The following VAV3 variants were observed in gnomAD, a reference collection of about 807,000 sequenced individuals.
VAV3 encodes guanine nucleotide exchange factor VAV3.
In VAV3, 94 loss-of-function variants were observed where a neutral mutation model predicts 131.2. The ratio of observed to expected loss-of-function variants is 0.72; its 90% CI spans 0.61 to 0.85. The LOEUF (loss-of-function observed/expected upper bound fraction) is 0.85, where lower values mean the gene tolerates loss of function less well. Ranked by LOEUF, VAV3 falls within the 40% of genes least tolerant of loss-of-function variation. VAV3 has a pLI of 0.00. For synonymous variants in VAV3, 349 were observed against 342.0 expected, an observed-to-expected ratio of 1.02 and a Z score of -0.22; for missense variants, 939 against 1,002.7, an observed-to-expected ratio of 0.94 and a Z score of 0.86.
intron 25 of VAV3, 143 bp from the exon 26 acceptor site, chr1:107,574,341 AAGC>A (rs1166322385): frequency 6.9e-6 from 7 of 1,013,940 alleles, no homozygotes; most frequent in Admixed American, 3.3e-5. Context: ...AGGAGCTTGA[AAGC>A]AGCAGAATTG....
chr1:107,790,922 A>G lies in VAV3; in HGVS notation c.322-11430T>C, dbSNP rs192508299. The stretch of plus-strand genomic sequence containing the variant: ...AGGCTGGTCTCAAACTCCTGACCTC[A>G]TGATCTGCCCGCCTCGGACTCCCAA... On this transcript the variant is annotated intron_variant, in intron 2 of 26. Coordinates refer to ENST00000370056, the MANE Select transcript of VAV3 (RefSeq NM_006113.5). Among the ~76,000 whole-genome samples, 628 of 151,982 alleles carry G rather than the reference A, an allele frequency of 4.1e-3. 2 individuals carry two copies. The highest frequency in any genetic ancestry group is 6.5e-3 in the Non-Finnish European group (444 of 67,944).
In VAV3 at chr1:107,907,327, C is replaced by T. The variant is rs890751630; in HGVS notation, c.205-32310G>A. Among the ~76,000 whole-genome samples, 6 of 152,056 alleles carry T rather than the reference C, an allele frequency of 3.9e-5. No individual in the cohort carries two copies. In the East Asian group the frequency reaches 1.2e-3, roughly 29 times the overall value. ...GGTGCTTATTTAATAAATCCAACAA[C>T]AGAATTCTAAAGAGCCATTCAAAAA... On this transcript the variant is annotated intron_variant, in intron 1 of 26. Transcript: ENST00000370056.
chr1:107,944,147 G>A (rs573138599), intron 1 of VAV3, among the ~76,000 whole-genome samples: 4 of 152,342 alleles, frequency 2.6e-5, no homozygotes, highest in East Asian at 3.9e-4. Context: ...AAAACAGATC[G>A]AAATGTAGGT....
At position 107,856,532 on chromosome 1, in the gene VAV3, T is replaced by TA. The variant is rs147021937; in HGVS notation, c.321+18368dup. 4.5e-3 allele frequency among the ~76,000 whole-genome samples: 669 copies of TA among 150,060 alleles called. 4 individuals are homozygous for TA. Among genetic ancestry groups the TA allele is most frequent in the African/African-American group, 0.015 (604 of 40,958 alleles). ...TACTTTTCCCCCAGGACCGAAATAT[T>TA]AAAAAAAAAATCAACATTACTGTTA... On this transcript the variant is annotated intron_variant, in intron 2 of 26. Coordinates refer to ENST00000370056, the MANE Select transcript of VAV3 (RefSeq NM_006113.5).
intron 1 of VAV3, among the ~76,000 whole-genome samples, chr1:107,879,899 C>G (rs1483554675): frequency 6.6e-6 from 1 of 152,194 alleles, no homozygotes; most frequent in Non-Finnish European, 1.5e-5. Context: ...CATGCATCCT[C>G]ATTTAACAAA....
intron 25 of VAV3, among the ~76,000 whole-genome samples, chr1:107,580,609 G>C (rs1649975320): frequency 6.6e-6 from 1 of 152,052 alleles, no homozygotes; most frequent in Admixed American, 6.5e-5. Flanking sequence ...ACACACTGTA[G>C]CGTGACTTAT....
At chr1:107,700,996 A>T (rs1473183190) in intron 17 of VAV3, among the ~76,000 whole-genome samples, 3 of 152,158 alleles carry the variant, frequency 2.0e-5, no homozygotes, top group African/African-American at 7.2e-5. Flanking sequence ...TGCCATTCTG[A>T]ATAGCGTGAG....
chr1:107,941,469 G>A (rs952187391), intron 1 of VAV3, among the ~76,000 whole-genome samples: 14 of 152,106 alleles, frequency 9.2e-5, no homozygotes, highest in African/African-American at 2.9e-4. Flanking sequence ...TAGAAGATTC[G>A]AGAACTTCTT....
At chr1:107,661,434 G>C (rs1397689452) in intron 19 of VAV3, among the ~76,000 whole-genome samples, 2 of 152,084 alleles carry the variant, frequency 1.3e-5, no homozygotes, top group African/African-American at 4.8e-5. Context: ...AACCCTCCCA[G>C]GCAGATACAC....
At chr1:107,650,636 G>A (rs1034171472) in intron 19 of VAV3, among the ~76,000 whole-genome samples, 1 of 150,500 alleles carries the variant, frequency 6.6e-6, no homozygotes, top group Non-Finnish European at 1.5e-5. Context: ...GTATACATGT[G>A]CCATGCTGGT....
At chr1:107,626,563 T>A (rs1486702557) in intron 20 of VAV3, among the ~76,000 whole-genome samples, 13 of 152,210 alleles carry the variant, frequency 8.5e-5, no homozygotes. Context: ...TGGCTTCTAC[T>A]GATTTTACTC....
At chr1:107,579,879 A>C (rs1404960731) in intron 25 of VAV3, among the ~76,000 whole-genome samples, 1 of 151,500 alleles carries the variant, frequency 6.6e-6, no homozygotes. Flanking sequence ...TACATTTCCA[A>C]CTCCAAATAT....
intron 15 of VAV3, among the ~76,000 whole-genome samples, chr1:107,706,901 A>G (rs1162818433): frequency 6.6e-6 from 1 of 152,178 alleles, no homozygotes. Context: ...ATTAATTTCA[A>G]AAATCTGCCT....
intron 17 of VAV3, among the ~76,000 whole-genome samples, chr1:107,697,121 G>C (rs1001918465): frequency 1.3e-5 from 2 of 152,256 alleles, no homozygotes; most frequent in South Asian, 4.1e-4. Flanking sequence ...ACCAGGGTGA[G>C]AAGGAATGAG....
chr1:107,669,426 AG>A (rs1557748561), intron 19 of VAV3: 2 of 1,289,752 alleles, frequency 1.6e-6, no homozygotes, highest in South Asian at 2.5e-5. Flanking sequence ...CAATGCTTCT[AG>A]TAGCAGGGGC....
At chr1:107,882,600 G>A (rs1670836717) in intron 1 of VAV3, among the ~76,000 whole-genome samples, 1 of 151,928 alleles carries the variant, frequency 6.6e-6, no homozygotes, top group Admixed American at 6.6e-5. Flanking sequence ...CTCTCTTACT[G>A]GAGTTCCCTA....
intron 19 of VAV3, among the ~76,000 whole-genome samples, chr1:107,666,853 G>A (rs1373877320): frequency 2.0e-5 from 3 of 152,156 alleles, no homozygotes; most frequent in Non-Finnish European, 4.4e-5. Flanking sequence ...TTTTAAAGAA[G>A]TTAAGGTACA....
chr1:107,814,380 T>C (rs1000546734), intron 2 of VAV3, among the ~76,000 whole-genome samples: 5 of 152,196 alleles, frequency 3.3e-5, no homozygotes, highest in Non-Finnish European at 5.9e-5. Context: ...GTGGTTTTGA[T>C]TTGCATTTCC....
At chr1:107,927,377 TG>T (rs753383078) in intron 1 of VAV3, among the ~76,000 whole-genome samples, 1 of 152,026 alleles carries the variant, frequency 6.6e-6, no homozygotes, top group Non-Finnish European at 1.5e-5. Flanking sequence ...CCAGCTGTGG[TG>T]GCTATGGAGA....
Sources: allele counts gnomAD v4.1 joint callset (sites outside exome capture counted in the v4.1 genomes callset), GRCh38; gene constraint gnomAD v4.1.1; transcripts MANE v1.5; gene names NCBI Gene and HGNC (gene_info 2026-07-23, HGNC 2026-07-21).